AGO3: variants seen among roughly 807,000 people sequenced by gnomAD.
The protein encoded by AGO3 is argonaute RISC catalytic component 3.
In AGO3, 16 loss-of-function variants were observed where a neutral mutation model predicts 105.5. That is an observed-to-expected ratio of 0.15 (90% CI 0.10 to 0.23). The LOEUF (loss-of-function observed/expected upper bound fraction) is 0.23. Ranked by LOEUF, AGO3 falls within the 10% of genes least tolerant of loss-of-function variation. AGO3 has a pLI of 1.00. For synonymous variants in AGO3, 340 were observed against 367.3 expected, an observed-to-expected ratio of 0.93 and a Z score of 0.85; for missense variants, 534 against 1,088.0, an observed-to-expected ratio of 0.49 and a Z score of 7.16.
At chr1:36,002,607 CAGGTGT>C (rs1557677546) in intron 5 of AGO3, among the ~76,000 whole-genome samples, 1 of 152,070 alleles carries the variant, frequency 6.6e-6, no homozygotes, top group Non-Finnish European at 1.5e-5. Context: ...GCTGGGATTA[CAGGTGT>C]GAGCCACCGT....
intron 12 of AGO3, among the ~76,000 whole-genome samples, chr1:36,033,082 G>A (rs1035506063): frequency 5.9e-5 from 9 of 152,208 alleles, no homozygotes; most frequent in East Asian, 1.9e-4. Flanking sequence ...GCAGTGAACC[G>A]AGATTGCGCC....
intron 11 of AGO3, among the ~76,000 whole-genome samples, chr1:36,024,091 A>G (rs999255002): frequency 1.3e-5 from 2 of 150,494 alleles, no homozygotes; most frequent in African/African-American, 2.5e-5. Flanking sequence ...AGCAAGTTCA[A>G]TGGTCTCTTC....
At position 36,036,135 on chromosome 1, in the gene AGO3, G is replaced by GA. The variant is rs779458100; in HGVS notation, c.1752-36dup. 7.6e-6 allele frequency: 12 copies of GA among 1,582,174 alleles called. No homozygotes were observed. In the East Asian group the frequency reaches 1.8e-4, roughly 24 times the overall value. ...TGTGTGAAACAGATAAATGGATACT[G>GA]AAAAAATGAAATATCTAACCCTTTT... On this transcript the variant is annotated intron_variant, in intron 13 of 18. Coordinates refer to ENST00000373191, the MANE Select transcript of AGO3 (RefSeq NM_024852.4).
rs1214096799 is a variant in AGO3, at chr1:36,027,471, T to G, written c.1591+173T>G. 6.6e-6 allele frequency among the ~76,000 whole-genome samples: 1 copy of G among 152,198 alleles called. No homozygotes were observed. Among genetic ancestry groups the G allele is most frequent in the Admixed American group, 6.5e-5 (1 of 15,268 alleles). On this transcript the variant is annotated intron_variant, in intron 12 of 18. Coordinates refer to ENST00000373191, the MANE Select transcript of AGO3 (RefSeq NM_024852.4). This position sits in a 1 kb window ranked among gnomAD's most constrained non-coding sequence, Gnocchi z 4.0. ...ATATAGCAAACTAAATAGTCCAAGA[T>G]GAGACATTGTAAAAAGAGTTTCCGG...
At chr1:35,955,137 A>G (rs1646540874) in intron 2 of AGO3, among the ~76,000 whole-genome samples, 1 of 152,238 alleles carries the variant, frequency 6.6e-6, no homozygotes, top group Non-Finnish European at 1.5e-5. Flanking sequence ...TGAATTCAGA[A>G]ATAGTAGAGA....
chr1:36,050,898 C>T (rs756173993), intron 17 of AGO3, among the ~76,000 whole-genome samples: 1 of 151,840 alleles, frequency 6.6e-6, no homozygotes, highest in African/African-American at 2.4e-5. Context: ...GAGATCATGG[C>T]TCACAGGAAC....
At chr1:36,031,242 C>A (rs979980639) in intron 12 of AGO3, among the ~76,000 whole-genome samples, 13 of 151,954 alleles carry the variant, frequency 8.6e-5, no homozygotes, top group Admixed American at 3.3e-4. Flanking sequence ...TCAGGCATGA[C>A]CATAGTGCAC....
intron 5 of AGO3, chr1:35,983,155 A>G (rs1344044676): frequency 6.6e-6 from 1 of 152,508 alleles, no homozygotes; most frequent in Non-Finnish European, 1.5e-5. Flanking sequence ...TATTCAGGAT[A>G]ATCTCCATTA....
chr1:36,060,853 C>G lies in AGO3; in HGVS notation c.*5108C>G, dbSNP rs959884160. 7 of 152,170 alleles carry G rather than the reference C, an allele frequency of 4.6e-5. No homozygotes were observed. The highest frequency in any genetic ancestry group is 1.3e-4 in the Admixed American group (2 of 15,266). The allele number at this position is 152,170 out of a possible 1,614,324, so 9.4% of individuals were successfully genotyped here. On this transcript the variant is annotated 3_prime_UTR_variant, in exon 19 of 19. Transcript: ENST00000373191. ...ATTCTTTTTGAGAATTCATAAATGT[C>G]TTAAAGCTTCAGTAAGAATTGTTGG...
chr1:36,045,092 C>T (rs1642408729), intron 17 of AGO3, among the ~76,000 whole-genome samples: 1 of 152,124 alleles, frequency 6.6e-6, no homozygotes, highest in Non-Finnish European at 1.5e-5. Context: ...CTCCTCTTTA[C>T]AATTAATGTT....
In AGO3 at chr1:36,064,450, G is replaced by C. The variant is rs1280670866; in HGVS notation, c.*8705G>C. 6.6e-6 allele frequency: 1 copy of C among 152,180 alleles called. No homozygotes were observed. The highest frequency in any genetic ancestry group is 2.4e-5 in the African/African-American group (1 of 41,436). The allele number at this position is 152,180 out of a possible 1,614,324, so 9.4% of individuals were successfully genotyped here. A position where few individuals can be genotyped will look rare whatever the true frequency, so the allele number is the denominator to read the frequency against. ...ATTCCCTTAAGCAGGTAAAATACTT[G>C]CATTGTATTTTTACATCATGAATTT... On this transcript the variant is annotated 3_prime_UTR_variant, in exon 19 of 19. Transcript: ENST00000373191.
intron 9 of AGO3, among the ~76,000 whole-genome samples, chr1:36,012,058 G>C (rs1640640398): frequency 6.6e-6 from 1 of 152,092 alleles, no homozygotes; most frequent in African/African-American, 2.4e-5. Flanking sequence ...GCCTAATTTA[G>C]AAAATGGGGC....
chr1:35,958,687 T>C (rs1204132337), intron 2 of AGO3, among the ~76,000 whole-genome samples: 1 of 151,812 alleles, frequency 6.6e-6, no homozygotes, highest in East Asian at 1.9e-4. Flanking sequence ...TAAAATATAA[T>C]CCCTCTCTTC....
In AGO3 at chr1:36,067,775, G is replaced by C. The variant is rs547296459; in HGVS notation, c.*12030G>C. On this transcript the variant is annotated 3_prime_UTR_variant, in exon 19 of 19. Coordinates refer to ENST00000373191, the MANE Select transcript of AGO3 (RefSeq NM_024852.4). Reference sequence around the variant, plus strand: ...CAGGAGGCGGAGGTTGCAGTGAGCCGAGATCCCACCATTGCACTCCAGCCT... The same window carrying C: ...CAGGAGGCGGAGGTTGCAGTGAGCCCAGATCCCACCATTGCACTCCAGCCT... 6.6e-6 allele frequency: 1 copy of C among 150,586 alleles called. No homozygotes were observed. Among genetic ancestry groups the C allele is most frequent in the Non-Finnish European group, 1.5e-5 (1 of 67,764 alleles). The allele number at this position is 150,586 out of a possible 1,614,324, so 9.3% of individuals were successfully genotyped here.
At chr1:35,978,952 T>A (rs1218186687) in intron 5 of AGO3, among the ~76,000 whole-genome samples, 1 of 152,208 alleles carries the variant, frequency 6.6e-6, no homozygotes, top group Non-Finnish European at 1.5e-5. Context: ...TCCACAAATT[T>A]CATTTGTATT....
At chr1:35,998,757 C>T (rs1330668410) in intron 5 of AGO3, among the ~76,000 whole-genome samples, 3 of 151,492 alleles carry the variant, frequency 2.0e-5, no homozygotes, top group African/African-American at 7.3e-5. Context: ...TTGTGTATAT[C>T]CTCTATCAAT....
intron 1 of AGO3, among the ~76,000 whole-genome samples, chr1:35,931,729 C>T (rs1646053258): frequency 6.6e-6 from 1 of 152,246 alleles, no homozygotes; most frequent in South Asian, 2.1e-4. Flanking sequence ...TTCTTCTAGA[C>T]TTTAGAATGG....
chr1:35,980,289 A>G (rs747746484), intron 5 of AGO3, among the ~76,000 whole-genome samples: 1 of 152,096 alleles, frequency 6.6e-6, no homozygotes, highest in Non-Finnish European at 1.5e-5. Flanking sequence ...TTGACTTTCA[A>G]CTTTGACTCC....
intron 11 of AGO3, among the ~76,000 whole-genome samples, chr1:36,023,916 A>C (rs573622228): frequency 9.2e-5 from 14 of 152,154 alleles, no homozygotes; most frequent in African/African-American, 3.4e-4. Context: ...CTGTCCTTCA[A>C]CTTCTAAGTG....
Sources: allele counts gnomAD v4.1 joint callset (sites outside exome capture counted in the v4.1 genomes callset), GRCh38; gene constraint gnomAD v4.1.1; non-coding constraint Gnocchi (gnomAD v3.1); transcripts MANE v1.5; gene names NCBI Gene and HGNC (gene_info 2026-07-23, HGNC 2026-07-21).